Variants in CCSER2 observed in about 807,000 individuals in gnomAD.
CCSER2 encodes coiled-coil serine rich protein 2, also known as serine-rich coiled-coil domain-containing protein 2.
Under a neutral mutation model 92.3 loss-of-function variants are expected in CCSER2, and 46 were observed. The ratio of observed to expected loss-of-function variants is 0.50; its 90% CI spans 0.39 to 0.64. The LOEUF is 0.64. CCSER2 is among the 30% of genes least tolerant of loss of function. The probability of loss-of-function intolerance (pLI) is 0.00; values close to 1 mark genes in which losing one functional copy is unlikely to be tolerated. For synonymous variants in CCSER2, 433 were observed against 431.4 expected (o/e 1.00, Z -0.04); for missense variants, 1,244 against 1,238.9 (o/e 1.00, Z -0.06).
chr10:84,413,105 GA>G (rs1471353143), intron 3 of CCSER2, among the ~76,000 whole-genome samples: 1 of 139,994 alleles, frequency 7.1e-6, no homozygotes, highest in African/African-American at 2.7e-5. Context: ...TGGATTCATT[GA>G]TTTTTTTTTT....
chr10:84,507,215 C>T, intron 9 of CCSER2: 2 of 581,162 alleles, frequency 3.4e-6, no homozygotes, highest in Non-Finnish European at 4.3e-6. Context: ...TCATGGCAAT[C>T]CTTGGTGTTG....
intron 6 of CCSER2, among the ~76,000 whole-genome samples, chr10:84,440,131 T>C (rs551688714): frequency 1.1e-4 from 16 of 152,340 alleles, no homozygotes; most frequent in Non-Finnish European, 1.5e-5. Context: ...GTAGGTGAAT[T>C]GGTAACCAAT....
intron 6 of CCSER2, among the ~76,000 whole-genome samples, chr10:84,454,150 G>A (rs558094491): frequency 6.6e-6 from 1 of 152,200 alleles, no homozygotes; most frequent in South Asian, 2.1e-4. Flanking sequence ...AGAAACTTGC[G>A]TTTCTTCTAC....
At chr10:84,475,337 G>C (rs1389692159) in intron 8 of CCSER2, among the ~76,000 whole-genome samples, 1 of 152,144 alleles carries the variant, frequency 6.6e-6, no homozygotes. Context: ...CAGATGGTGA[G>C]AAAATGATTT....
chr10:84,465,150 T>C (rs969210346), intron 7 of CCSER2, among the ~76,000 whole-genome samples: 1 of 150,100 alleles, frequency 6.7e-6, no homozygotes, highest in African/African-American at 2.4e-5. Flanking sequence ...TTGACTTAGG[T>C]AATCTCTGAT....
At chr10:84,388,195 C>T (rs966246512) in intron 3 of CCSER2, among the ~76,000 whole-genome samples, 1 of 152,128 alleles carries the variant, frequency 6.6e-6, no homozygotes, top group Non-Finnish European at 1.5e-5. Context: ...ATGTTTATGC[C>T]CCTTTAACTC....
intron 3 of CCSER2, among the ~76,000 whole-genome samples, chr10:84,398,658 A>G (rs549984078): frequency 6.6e-6 from 1 of 152,308 alleles, no homozygotes; most frequent in South Asian, 2.1e-4. Flanking sequence ...CCAGGGAAGG[A>G]TAGAGAAAAA....
Position 84,371,706 on chromosome 10 carries a change from G to T in CCSER2, c.654G>T (p.Met218Ile). 6.2e-7 allele frequency: 1 copy of T among 1,613,504 alleles called. No individual in the cohort carries two copies. Residue 218 changes from methionine (M) to isoleucine (I), a missense_variant, in exon 2 of 10, where the codon ATG becomes ATT. Met to Ile is a conservative substitution (Grantham distance 10). Coordinates refer to ENST00000372088, the MANE Select transcript of CCSER2 (RefSeq NM_001284240.2). The part of the protein sequence containing the change: ...DSSKSINCEK[M>I]VRSQSFSHSI... Reference sequence around the variant, plus strand: ...GTAAATCTATTAATTGTGAAAAAATGGTAAGGTCACAAAGTTTTTCACATT... The same window carrying T: ...GTAAATCTATTAATTGTGAAAAAATTGTAAGGTCACAAAGTTTTTCACATT...
chr10:84,412,817 C>A (rs565073839), intron 3 of CCSER2, among the ~76,000 whole-genome samples: 1 of 152,284 alleles, frequency 6.6e-6, no homozygotes, highest in East Asian at 1.9e-4. Flanking sequence ...GCAAGTCTAG[C>A]AGACATGTAA....
At chr10:84,406,747 A>G (rs1223603318) in intron 3 of CCSER2, among the ~76,000 whole-genome samples, 1 of 152,208 alleles carries the variant, frequency 6.6e-6, no homozygotes, top group Non-Finnish European at 1.5e-5. Flanking sequence ...CCAGTTAGAG[A>G]AAGAGGCTGC....
At chr10:84,350,047 G>A (rs980739259) in intron 1 of CCSER2, among the ~76,000 whole-genome samples, 2 of 152,146 alleles carry the variant, frequency 1.3e-5, no homozygotes, top group African/African-American at 4.8e-5. Flanking sequence ...CAGCTACTTG[G>A]GAGGCTGAGG....
chr10:84,395,851 CATT>C (rs1841798879), intron 3 of CCSER2, among the ~76,000 whole-genome samples: 2 of 152,162 alleles, frequency 1.3e-5, no homozygotes, highest in Non-Finnish European at 2.9e-5. Flanking sequence ...GCCCTTGAGT[CATT>C]ATGTCTCCAA....
intron 1 of CCSER2, among the ~76,000 whole-genome samples, chr10:84,339,124 G>A (rs1325732384): frequency 7.3e-6 from 1 of 137,480 alleles, no homozygotes; most frequent in Non-Finnish European, 1.6e-5. Context: ...TTTTTTTTTT[G>A]TTTTTTTTTT....
chr10:84,409,746 G>A (rs908411106), intron 3 of CCSER2, among the ~76,000 whole-genome samples: 1 of 152,126 alleles, frequency 6.6e-6, no homozygotes, highest in African/African-American at 2.4e-5. Flanking sequence ...ACATTTATCA[G>A]TTTATTTTTC....
At chr10:84,481,805 TG>T (rs1323352947) in intron 9 of CCSER2, among the ~76,000 whole-genome samples, 2 of 152,102 alleles carry the variant, frequency 1.3e-5, no homozygotes, top group Admixed American at 1.3e-4. Flanking sequence ...CCCTGAGCCT[TG>T]CATTATAAAA....
chr10:84,495,763 C>T (rs1313543209), intron 9 of CCSER2, among the ~76,000 whole-genome samples: 1 of 140,276 alleles, frequency 7.1e-6, no homozygotes, highest in Non-Finnish European at 1.6e-5. Flanking sequence ...ATAAGCACAT[C>T]AAATTTCTTT....
At position 84,426,272 on chromosome 10, in the gene CCSER2, A is replaced by G. The variant is rs1371078478; in HGVS notation, c.1868+379A>G. On this transcript the variant is annotated intron_variant, in intron 5 of 9. Transcript: ENST00000372088. ...GGTCTTTTGCTCATGTAATAAGTTA[A>G]AATTTAAAAATTCCACAAGTACCAT... Among the ~76,000 whole-genome samples, 3 of 152,188 alleles carry G rather than the reference A, an allele frequency of 2.0e-5. No individual in the cohort carries two copies. In the East Asian group the frequency reaches 5.8e-4, roughly 29 times the overall value.
At chr10:84,402,842 T>G (rs1179204175) in intron 3 of CCSER2, among the ~76,000 whole-genome samples, 2 of 152,182 alleles carry the variant, frequency 1.3e-5, no homozygotes, top group Non-Finnish European at 2.9e-5. Flanking sequence ...CAGATGACAT[T>G]CTCTACGTGG....
rs1243787255 is a variant in CCSER2 at position 84,371,616 on chromosome 10, T to C, written c.564T>C (p.Pro188=). The C allele has an allele frequency of 6.2e-7, 1 of 1,613,634 alleles. No homozygotes were observed. The highest frequency in any genetic ancestry group is 2.2e-5 in the East Asian group (1 of 44,872). ...GNRSAGSMQR[P]RANSCATRSS... is the part of the protein sequence containing the mutation. ...GATCAGCTGGTAGCATGCAAAGGCCTAGAGCGAACTCCTGTGCCACCAGAA... is the reference window on the plus strand; with the variant it reads ...GATCAGCTGGTAGCATGCAAAGGCCCAGAGCGAACTCCTGTGCCACCAGAA... The change falls in exon 2 of 10, where the codon CCT becomes CCC. Residue 188 remains proline (P), a synonymous_variant. Transcript: ENST00000372088.
Sources: gnomAD v4.1 joint callset for allele counts (sites outside exome capture counted in the v4.1 genomes callset) on GRCh38, gnomAD v4.1.1 for gene constraint, MANE v1.5 for transcripts, NCBI Gene and HGNC (gene_info 2026-07-23, HGNC 2026-07-21) for gene names.